PTPRN2: variants seen among roughly 807,000 people sequenced by gnomAD.
PTPRN2 encodes the protein protein tyrosine phosphatase receptor type N2.
PTPRN2 carries 74 observed loss-of-function variants against 118.8 expected under a neutral mutation model. The observed-to-expected ratio is 0.62, with a 90% CI of 0.52 to 0.76. The LOEUF (loss-of-function observed/expected upper bound fraction) is 0.76. Among genes scored for constraint, PTPRN2 ranks in the 30% least tolerant of loss-of-function variants. The pLI, the probability that PTPRN2 is intolerant of heterozygous loss-of-function variation, is 0.00. For synonymous variants in PTPRN2, 641 were observed against 608.0 expected (o/e 1.05, Z -0.80); for missense variants, 1,481 against 1,394.4 (o/e 1.06, Z -0.99).
Position 157,545,856 on chromosome 7 carries a change from C to T in PTPRN2, c.2976+3090G>A, listed in dbSNP as rs139461887. Among the ~76,000 whole-genome samples, 396 of 152,262 alleles carry T rather than the reference C, an allele frequency of 2.6e-3. 2 individuals carry two copies. Among genetic ancestry groups the T allele is most frequent in the Admixed American group, 3.9e-3 (59 of 15,292 alleles). ...CCAAACCAGGCGACGTGACTTCCTC[C>T]GTTCAAAGGAGCTGCAGGCGCCTCC... On this transcript the variant is annotated intron_variant, in intron 22 of 22. Transcript: ENST00000389418.
At chr7:158,317,470 C>G (rs1802430147) in intron 2 of PTPRN2, among the ~76,000 whole-genome samples, 1 of 152,236 alleles carries the variant, frequency 6.6e-6, no homozygotes, top group East Asian at 1.9e-4. Context: ...CGGTGTGGGA[C>G]TAATGGGGAC....
intron 2 of PTPRN2, among the ~76,000 whole-genome samples, chr7:158,350,131 AG>A: frequency 6.6e-6 from 1 of 152,310 alleles, no homozygotes; most frequent in African/African-American, 2.4e-5. Context: ...ATGGGTAAAA[AG>A]AAGGCCCTGG....
rs1802904506 is a variant in PTPRN2 at position 157,618,065 on chromosome 7, T to C, written c.2344+3297A>G. 6.6e-6 allele frequency: 1 copy of C among 152,230 alleles called. No homozygotes were observed. Among genetic ancestry groups the C allele is most frequent in the Non-Finnish European group, 1.5e-5 (1 of 68,044 alleles). The allele number at this position is 152,230 out of a possible 1,614,324, so 9.4% of individuals were successfully genotyped here. ...TGAGATAATACAACTAGACCTAGCATGGTGCCAGCCAAGCATTGCATAATG... is the reference window on the plus strand; with the variant it reads ...TGAGATAATACAACTAGACCTAGCACGGTGCCAGCCAAGCATTGCATAATG... On this transcript the variant is annotated intron_variant, in intron 15 of 22. Coordinates refer to ENST00000389418, the MANE Select transcript of PTPRN2 (RefSeq NM_002847.5). The surrounding 1 kb of genome is among the most constrained non-coding windows in gnomAD (Gnocchi z 4.2).
intron 3 of PTPRN2, among the ~76,000 whole-genome samples, chr7:158,280,270 C>T (rs559266187): frequency 3.9e-5 from 6 of 152,304 alleles, no homozygotes; most frequent in South Asian, 2.1e-4. Context: ...CCTGAAGCTG[C>T]GAAGAGAGGC....
chr7:158,005,559 T>C (rs1805577709), intron 11 of PTPRN2, among the ~76,000 whole-genome samples: 1 of 152,254 alleles, frequency 6.6e-6, no homozygotes, highest in African/African-American at 2.4e-5. Flanking sequence ...TAAAGCCCAC[T>C]TGATATGCAC....
intron 4 of PTPRN2, among the ~76,000 whole-genome samples, chr7:158,199,225 G>T (rs980918090): frequency 1.3e-5 from 2 of 151,908 alleles, no homozygotes; most frequent in African/African-American, 4.8e-5. Context: ...AGCCCTTAGC[G>T]TGTTCTCAGG....
intron 11 of PTPRN2, among the ~76,000 whole-genome samples, chr7:158,008,000 T>A (rs28432323): frequency 0.82 from 116,998 of 142,734 alleles, 47,873 homozygotes; most frequent in East Asian, 0.87. Context: ...GGGTATGTAC[T>A]TGTGCACGTG....
chr7:157,914,470 G>A (rs1798282311), intron 11 of PTPRN2, among the ~76,000 whole-genome samples: 1 of 152,148 alleles, frequency 6.6e-6, no homozygotes, highest in Non-Finnish European at 1.5e-5. Flanking sequence ...TGAATCGTAG[G>A]TAATATTCTA....
intron 14 of PTPRN2, among the ~76,000 whole-genome samples, chr7:157,624,404 A>G (rs1385367875): frequency 6.6e-6 from 1 of 151,970 alleles, no homozygotes; most frequent in African/African-American, 2.4e-5. Flanking sequence ...CTGGGTGACC[A>G]GAGTGAAACT....
At chr7:158,378,343 CAGGCACCTCCTTCTTGGTGCAGG>C (rs1287588386) in intron 2 of PTPRN2, among the ~76,000 whole-genome samples, 2 of 152,214 alleles carry the variant, frequency 1.3e-5, no homozygotes, top group Non-Finnish European at 2.9e-5. Flanking sequence ...GAGGCTTCCC[CAGGCACCTCCTTCTTGGTGCAGG>C]AGGGCCCTGG....
intron 12 of PTPRN2, among the ~76,000 whole-genome samples, chr7:157,684,087 T>C (rs555730746): frequency 8.7e-4 from 133 of 152,158 alleles, no homozygotes; most frequent in African/African-American, 3.2e-3. Flanking sequence ...ACAGTGCCTC[T>C]TATGTCAGGC....
At chr7:157,957,787 G>C (rs1314422224) in intron 11 of PTPRN2, among the ~76,000 whole-genome samples, 1 of 152,132 alleles carries the variant, frequency 6.6e-6, no homozygotes, top group Non-Finnish European at 1.5e-5. Flanking sequence ...GCAGTCACTG[G>C]TTTGATGGAT....
chr7:158,251,370 C>T (rs1033192665), intron 3 of PTPRN2, among the ~76,000 whole-genome samples: 12 of 151,688 alleles, frequency 7.9e-5, no homozygotes, highest in East Asian at 1.9e-4. Context: ...GCATGTGGGG[C>T]GTGTGCAGGT....
intron 11 of PTPRN2, among the ~76,000 whole-genome samples, chr7:157,938,749 C>T (rs560758360): frequency 1.1e-4 from 16 of 152,322 alleles, no homozygotes; most frequent in African/African-American, 3.8e-4. Context: ...TTGTAGTACA[C>T]TAAGCATGAT....
At chr7:157,642,625 C>T (rs1328945733) in intron 14 of PTPRN2, among the ~76,000 whole-genome samples, 2 of 152,070 alleles carry the variant, frequency 1.3e-5, no homozygotes, top group Non-Finnish European at 2.9e-5. Flanking sequence ...CTTTCCAGAC[C>T]TGACTTTATG....
intron 6 of PTPRN2, among the ~76,000 whole-genome samples, chr7:158,149,572 G>C (rs568398413): frequency 6.6e-6 from 1 of 152,178 alleles, no homozygotes; most frequent in Non-Finnish European, 1.5e-5. Context: ...GGGGTCCGAG[G>C]TGGGTGGATC....
chr7:158,050,117 A>T (rs1809216194), intron 11 of PTPRN2, among the ~76,000 whole-genome samples: 1 of 152,216 alleles, frequency 6.6e-6, no homozygotes, highest in South Asian at 2.1e-4. Context: ...CGTGTTCCTG[A>T]AAAGGTACAT....
intron 11 of PTPRN2, among the ~76,000 whole-genome samples, chr7:158,059,189 C>A (rs1321727617): frequency 8.4e-6 from 1 of 118,964 alleles, no homozygotes; most frequent in African/African-American, 4.1e-5. Flanking sequence ...CACATCACTG[C>A]AGCCACACTC....
intron 3 of PTPRN2, among the ~76,000 whole-genome samples, chr7:158,250,799 C>A (rs1309238354): frequency 2.6e-5 from 4 of 152,192 alleles, no homozygotes; most frequent in African/African-American, 9.7e-5. Flanking sequence ...TATTTCATAT[C>A]ATTTTCAACC....
Sources: gnomAD v4.1 joint callset for allele counts (sites outside exome capture counted in the v4.1 genomes callset) on GRCh38, gnomAD v4.1.1 for gene constraint, Gnocchi (gnomAD v3.1) non-coding constraint, MANE v1.5 for transcripts, NCBI Gene and HGNC (gene_info 2026-07-23, HGNC 2026-07-21) for gene names.